PHACTR4: variants seen among roughly 807,000 people sequenced by gnomAD.
The protein encoded by PHACTR4 is phosphatase and actin regulator 4, also known as protein phosphatase 1, regulatory subunit 124.
A neutral mutation model predicts 72.7 loss-of-function variants in PHACTR4; 51 were observed. The ratio of observed to expected loss-of-function variants is 0.70; its 90% CI spans 0.56 to 0.89. The LOEUF is 0.89. Ranked by LOEUF, PHACTR4 falls within the 40% of genes least tolerant of loss-of-function variation. The pLI, the probability that PHACTR4 is intolerant of heterozygous loss-of-function variation, is 0.00. For missense variants in PHACTR4, 731 were observed against 861.8 expected, an observed-to-expected ratio of 0.85 and a Z score of 1.90; for synonymous variants, 255 against 302.5, an observed-to-expected ratio of 0.84 and a Z score of 1.63.
At chr1:28,492,558 T>TC (rs1661101026) in intron 12 of PHACTR4, among the ~76,000 whole-genome samples, 1 of 151,778 alleles carries the variant, frequency 6.6e-6, no homozygotes. Flanking sequence ...GGTCAGGAGT[T>TC]CAAGACCAGC....
chr1:28,383,938 A>T (rs1027595906), intron 1 of PHACTR4, among the ~76,000 whole-genome samples: 9 of 152,074 alleles, frequency 5.9e-5, no homozygotes, highest in Non-Finnish European at 1.0e-4. Context: ...TTTTGTCTTT[A>T]GTTCTGTTTA....
At chr1:28,417,478 T>C (rs936470493) in intron 2 of PHACTR4, among the ~76,000 whole-genome samples, 5 of 152,178 alleles carry the variant, frequency 3.3e-5, no homozygotes, top group Admixed American at 1.3e-4. Context: ...ACAGTTGATA[T>C]GGCAACTGAG....
At chr1:28,485,398 C>T (rs1327515946) in intron 9 of PHACTR4, among the ~76,000 whole-genome samples, 1 of 151,872 alleles carries the variant, frequency 6.6e-6, no homozygotes, top group East Asian at 1.9e-4. Context: ...ACCAGCCTGG[C>T]CAACGTGATG....
In PHACTR4 at chr1:28,466,406, C is replaced by G. The variant is rs1185082923; in HGVS notation, c.461C>G (p.Ser154Cys). 1.2e-6 allele frequency: 2 copies of G among 1,612,154 alleles called. No homozygotes were observed. Among genetic ancestry groups the G allele is most frequent in the Admixed American group, 1.7e-5 (1 of 59,966 alleles). ...GGCTCAACTGGAAGCCAGCCTAATT[C>G]TGAAGCAGAGTCTGTTCCTGAGAAT... The part of the protein sequence containing the change: ...RLGSTGSQPN[S>C]EAESVPENVP... The change falls in exon 6 of 14, where the codon TCT becomes TGT. Residue 154 changes from serine (S) to cysteine (C), a missense_variant. Physicochemically the swap from Ser to Cys is moderately radical, Grantham distance 112 (BLOSUM62 -1). Coordinates refer to ENST00000373839, the MANE Select transcript of PHACTR4 (RefSeq NM_001048183.3).
chr1:28,407,826 T>G (rs1654466100), intron 2 of PHACTR4, among the ~76,000 whole-genome samples: 1 of 152,154 alleles, frequency 6.6e-6, no homozygotes, highest in Non-Finnish European at 1.5e-5. Flanking sequence ...AAATTTAAAT[T>G]TCTCTATCTT....
intron 13 of PHACTR4, 122 bp from the exon 14 acceptor site, chr1:28,496,412 G>A: frequency 6.3e-6 from 7 of 1,109,178 alleles, no homozygotes; most frequent in Admixed American, 3.6e-5. Context: ...AGAAAGGTCA[G>A]GTCGAATTAG....
chr1:28,486,926 GC>G (rs1660680721), intron 9 of PHACTR4, among the ~76,000 whole-genome samples: 1 of 151,816 alleles, frequency 6.6e-6, no homozygotes, highest in African/African-American at 2.4e-5. Context: ...CCTTTGGGAG[GC>G]TGAGCTGGGG....
At chr1:28,446,585 C>A (rs560072534) in intron 2 of PHACTR4, among the ~76,000 whole-genome samples, 1 of 152,220 alleles carries the variant, frequency 6.6e-6, no homozygotes, top group African/African-American at 2.4e-5. Flanking sequence ...TCAAGACCAG[C>A]CTGGCCAACA....
At position 28,476,361 on chromosome 1, in the gene PHACTR4, G is replaced by C. The variant is rs143744638; in HGVS notation, c.1606+70G>C. The C allele has an allele frequency of 4.7e-3, 6,715 of 1,418,394 alleles. 27 individuals carry two copies. Among genetic ancestry groups the C allele is most frequent in the Non-Finnish European group, 5.2e-3 (5,506 of 1,067,014 alleles). 87.9% of individuals were successfully genotyped at this position (1,418,394 alleles called of 1,614,324 possible). A position where few individuals can be genotyped will look rare whatever the true frequency, so the allele number is the denominator to read the frequency against. On this transcript the variant is annotated intron_variant, in intron 8 of 13. Transcript: ENST00000373839. ...TAAAACTATTTGCTGATCTTAGCAA[G>C]TGTCAAAAGAGATATGGAAACAGGT...
rs370214749 is a variant in PHACTR4 at position 28,431,562 on chromosome 1, C to T, written c.16+24099C>T. Among the ~76,000 whole-genome samples the T allele has an allele frequency of 4.6e-5, 7 of 152,074 alleles. No homozygotes were observed. In the East Asian group the frequency reaches 1.2e-3, roughly 26 times the overall value. ...ATTCCAAAAAGAACTCTGAGTCAGA[C>T]ACCAACAGTAAAAGCTTACCGTGAT... On this transcript the variant is annotated intron_variant, in intron 2 of 13. Transcript: ENST00000373839.
intron 1 of PHACTR4, among the ~76,000 whole-genome samples, chr1:28,379,216 AAGTGCTTGAATTACACGCATG>A (rs1651938044): frequency 2.0e-5 from 3 of 149,780 alleles, no homozygotes; most frequent in Non-Finnish European, 4.4e-5. Context: ...GGGCCTCCCA[AAGTGCTTGAATTACACGCATG>A]AGCCACCATG....
intron 2 of PHACTR4, chr1:28,457,726 T>C: frequency 1.6e-6 from 1 of 613,970 alleles, no homozygotes. Context: ...ACAGTCAACA[T>C]GTTAGCTTAT....
chr1:28,486,683 A>G (rs770011317), intron 9 of PHACTR4, among the ~76,000 whole-genome samples: 16 of 151,970 alleles, frequency 1.1e-4, no homozygotes, highest in Non-Finnish European at 2.2e-4. Flanking sequence ...CCTGACCAAC[A>G]TGCTGAAACC....
At chr1:28,431,081 A>G (rs920159326) in intron 2 of PHACTR4, among the ~76,000 whole-genome samples, 17 of 150,156 alleles carry the variant, frequency 1.1e-4, no homozygotes, top group Admixed American at 1.1e-3. Flanking sequence ...CGGGATGCTG[A>G]GGCAGGAGAA....
chr1:28,457,764 C>G, intron 2 of PHACTR4: 10 of 879,438 alleles, frequency 1.1e-5, no homozygotes, highest in Non-Finnish European at 1.2e-5. Flanking sequence ...TGTATTTCTA[C>G]AAAGTAGAGG....
At chr1:28,467,513 A>G (rs148195604) in intron 6 of PHACTR4, among the ~76,000 whole-genome samples, 209 of 152,198 alleles carry the variant, frequency 1.4e-3, no homozygotes, top group African/African-American at 5.0e-3. Context: ...CTCAGCTCAC[A>G]AGGGGCAAGG....
chr1:28,434,818 C>T (rs953422668), intron 2 of PHACTR4, among the ~76,000 whole-genome samples: 8 of 152,146 alleles, frequency 5.3e-5, no homozygotes, highest in African/African-American at 1.9e-4. Flanking sequence ...AGGAATGAGC[C>T]ACTGTGCCTG....
chr1:28,396,391 C>T (rs980189969), intron 1 of PHACTR4, among the ~76,000 whole-genome samples: 4 of 151,432 alleles, frequency 2.6e-5, no homozygotes, highest in Non-Finnish European at 5.9e-5. Context: ...ATTAGCTGGG[C>T]GTGGTGGTAT....
rs762368981 is a variant in PHACTR4, at chr1:28,491,019, C to T, written c.1878+7C>T. On this transcript the variant is annotated splice_region_variant and intron_variant, in intron 11 of 13. Transcript: ENST00000373839. ...ACGTCGGCTCACTAGAAAGGTACTA[C>T]TGCCTGTGTGTTCAGTTAACTATAT... The T allele has an allele frequency of 5.0e-5, 81 of 1,611,170 alleles. No individual in the cohort carries two copies. The highest frequency in any genetic ancestry group is 4.9e-4 in the Middle Eastern group (3 of 6,082).
Sources: allele counts gnomAD v4.1 joint callset (sites outside exome capture counted in the v4.1 genomes callset), GRCh38; gene constraint gnomAD v4.1.1; transcripts MANE v1.5; gene names NCBI Gene and HGNC (gene_info 2026-07-23, HGNC 2026-07-21).